Variants in ARL15 observed in about 807,000 individuals in gnomAD.
The protein encoded by ARL15 is ADP-ribosylation factor-like protein 15.
Under a neutral mutation model 25.2 loss-of-function variants are expected in ARL15, and 19 were observed. The observed-to-expected ratio is 0.75, with a 90% confidence interval of 0.53 to 1.10. ARL15 has a LOEUF of 1.10. Among genes scored for constraint, ARL15 ranks in the 50% least tolerant of loss-of-function variants. ARL15 has a pLI of 0.00. For synonymous variants in ARL15, 94 were observed against 86.8 expected, an observed-to-expected ratio of 1.08 and a Z score of -0.46; for missense variants, 220 against 246.0, an observed-to-expected ratio of 0.89 and a Z score of 0.71.
At chr5:54,018,456 C>CT (rs1480134632) in intron 4 of ARL15, among the ~76,000 whole-genome samples, 1 of 152,112 alleles carries the variant, frequency 6.6e-6, no homozygotes, top group Non-Finnish European at 1.5e-5. Flanking sequence ...TAAGCCATTA[C>CT]TTTTTTCTAA....
chr5:54,216,406 G>A (rs565604246), intron 1 of ARL15, among the ~76,000 whole-genome samples: 14 of 152,204 alleles, frequency 9.2e-5, no homozygotes, highest in Non-Finnish European at 1.8e-4. Flanking sequence ...GTGCTTCTTG[G>A]CTGGCTTATA....
intron 4 of ARL15, among the ~76,000 whole-genome samples, chr5:53,991,472 G>A (rs1406001016): frequency 6.6e-6 from 1 of 150,628 alleles, no homozygotes; most frequent in East Asian, 1.9e-4. Context: ...AACCTGGGAG[G>A]CGGAGGTTGC....
At chr5:53,951,064 C>A (rs1032264028) in intron 4 of ARL15, among the ~76,000 whole-genome samples, 1 of 152,158 alleles carries the variant, frequency 6.6e-6, no homozygotes, top group Non-Finnish European at 1.5e-5. Flanking sequence ...AAAATCAAAA[C>A]AATATTAGCA....
At chr5:54,310,319 C>G in intron 1 of ARL15, 113 bp downstream of exon 1, 1 of 1,245,694 alleles carries the variant, frequency 8.0e-7, no homozygotes, top group Non-Finnish European at 1.1e-6. Context: ...AGAAAGAACC[C>G]CAGAGGCATC....
At position 54,143,316 on chromosome 5, in the gene ARL15, A is replaced by C. The variant is rs965913459; in HGVS notation, c.253+11264T>G. 5.9e-5 allele frequency among the ~76,000 whole-genome samples: 9 copies of C among 152,026 alleles called. No individual in the cohort carries two copies. The East Asian group carries it at 1.7e-3, about 29-fold the overall frequency. ...TTTAAAGGTTCATGATTACTTAGTT[A>C]TCTTAGTATATCAATATGAAATCTT... On this transcript the variant is annotated intron_variant, in intron 3 of 4. Transcript: ENST00000504924.
intron 1 of ARL15, among the ~76,000 whole-genome samples, chr5:54,189,097 AG>A (rs1238845258): frequency 2.0e-5 from 3 of 152,198 alleles, no homozygotes; most frequent in Non-Finnish European, 2.9e-5. Flanking sequence ...AAGACACTTA[AG>A]AACTAACTTA....
At chr5:54,187,767 A>G (rs140612321) in intron 1 of ARL15, among the ~76,000 whole-genome samples, 37 of 152,322 alleles carry the variant, frequency 2.4e-4, no homozygotes, top group African/African-American at 8.7e-4. Flanking sequence ...GAGGAAGCAA[A>G]TGCCTGGCAG....
At chr5:54,086,343 A>G (rs73754453) in intron 4 of ARL15, among the ~76,000 whole-genome samples, 2,049 of 152,138 alleles carry the variant, frequency 0.013, 50 homozygotes, top group African/African-American at 0.047. Context: ...TATTAGTTCT[A>G]TAGCTCTATA....
At chr5:54,132,138 T>C (rs1246129286) in intron 3 of ARL15, among the ~76,000 whole-genome samples, 1 of 152,140 alleles carries the variant, frequency 6.6e-6, no homozygotes, top group Non-Finnish European at 1.5e-5. Context: ...TTTTAACAAA[T>C]ATTTTAATAT....
At chr5:54,020,031 A>G (rs1749545852) in intron 4 of ARL15, among the ~76,000 whole-genome samples, 1 of 152,270 alleles carries the variant, frequency 6.6e-6, no homozygotes, top group Non-Finnish European at 1.5e-5. Context: ...ACTAGTATGA[A>G]AAAACTAAAT....
chr5:53,887,776 C>G (rs187231098), intron 4 of ARL15, among the ~76,000 whole-genome samples: 1 of 152,262 alleles, frequency 6.6e-6, no homozygotes, highest in East Asian at 1.9e-4. Flanking sequence ...AAATTACAGT[C>G]TTACCTTAGT....
chr5:54,245,689 G>A (rs781612216), intron 1 of ARL15, among the ~76,000 whole-genome samples: 14 of 152,016 alleles, frequency 9.2e-5, no homozygotes, highest in African/African-American at 1.5e-4. Context: ...TTGAGTTCAC[G>A]TGATTCTCCT....
At chr5:54,272,574 A>G (rs879840436) in intron 1 of ARL15, among the ~76,000 whole-genome samples, 4 of 152,126 alleles carry the variant, frequency 2.6e-5, no homozygotes, top group Non-Finnish European at 5.9e-5. Context: ...TCCTAAGTTA[A>G]ATAACCCCAA....
At chr5:54,208,938 TG>T (rs1561267490) in intron 1 of ARL15, among the ~76,000 whole-genome samples, 1 of 152,060 alleles carries the variant, frequency 6.6e-6, no homozygotes, top group African/African-American at 2.4e-5. Flanking sequence ...TTTGAAATTA[TG>T]AAGAGGAGAT....
chr5:54,179,804 G>C lies in ARL15; in HGVS notation c.49-7876C>G, dbSNP rs1433010741. Among the ~76,000 whole-genome samples, 7 of 152,126 alleles carry C rather than the reference G, an allele frequency of 4.6e-5. No homozygotes were observed. The East Asian group carries it at 1.4e-3, about 29-fold the overall frequency. ...AGGCCGAGGTAGGGGGATCATTTGA[G>C]GTCAGGAGTTCGAGACCAGCCTGGC... On this transcript the variant is annotated intron_variant, in intron 1 of 4. Transcript: ENST00000504924.
chr5:54,087,262 A>T (rs889669641), intron 4 of ARL15, among the ~76,000 whole-genome samples: 6 of 152,064 alleles, frequency 3.9e-5, no homozygotes, highest in Non-Finnish European at 8.8e-5. Context: ...CGGGAGGCGG[A>T]GCTTGCAGTG....
intron 3 of ARL15, among the ~76,000 whole-genome samples, chr5:54,141,497 C>A (rs1010541726): frequency 3.3e-5 from 5 of 152,012 alleles, no homozygotes; most frequent in Middle Eastern, 3.2e-3. Context: ...TTAAGAGTAT[C>A]TTTTAATTTT....
intron 3 of ARL15, among the ~76,000 whole-genome samples, chr5:54,152,618 A>G (rs1479077030): frequency 7.2e-5 from 11 of 152,340 alleles, no homozygotes; most frequent in Admixed American, 5.2e-4. Flanking sequence ...CTTCAATACT[A>G]ACACATGCCA....
chr5:54,082,178 C>T (rs1452072274), intron 4 of ARL15, among the ~76,000 whole-genome samples: 4 of 152,144 alleles, frequency 2.6e-5, no homozygotes, highest in East Asian at 3.9e-4. Context: ...GATGAGAACA[C>T]TTCCACTACA....
Sources: gnomAD v4.1 joint callset for allele counts (sites outside exome capture counted in the v4.1 genomes callset) on GRCh38, gnomAD v4.1.1 for gene constraint, MANE v1.5 for transcripts, NCBI Gene and HGNC (gene_info 2026-07-23, HGNC 2026-07-21) for gene names.